Variants in CD36 observed in about 807,000 individuals in gnomAD.
CD36 encodes the protein platelet glycoprotein 4.
In CD36, 119 loss-of-function variants were observed where a neutral mutation model predicts 55.2. The observed-to-expected ratio is 2.15, with a 90% CI of 1.86 to 2.51. CD36 has a LOEUF of 2.51. Ranked by LOEUF, CD36 falls within the 30% of genes most tolerant of loss-of-function variation. The pLI is 0.00. For missense variants in CD36, 819 were observed against 555.5 expected (o/e 1.47, Z -4.77); for synonymous variants, 186 against 193.6 (o/e 0.96, Z 0.33).
Position 80,661,218 on chromosome 7 carries a change from G to GACAA in CD36, c.429+13_429+16dup. The GACAA allele has an allele frequency of 6.2e-7, 1 of 1,612,642 alleles. No individual in the cohort carries two copies. Among genetic ancestry groups the GACAA allele is most frequent in the South Asian group, 1.1e-5 (1 of 91,050 alleles). The stretch of plus-strand genomic sequence containing the variant: ...CTCAATCTGGCTGTGGCAGTGAGTA[G>GACAA]ACAAACAACAAAGTTATCTATTTTA... On this transcript the variant is annotated intron_variant, in intron 5 of 14. Transcript: ENST00000447544.
chr7:80,623,644 C>T (rs1166412217), intron 1 of CD36, among the ~76,000 whole-genome samples: 1 of 152,142 alleles, frequency 6.6e-6, no homozygotes, highest in Non-Finnish European at 1.5e-5. Context: ...GTTAGTCTTG[C>T]TGGGCCCTGC....
At chr7:80,624,000 G>A (rs1383602004) in intron 1 of CD36, 1 of 152,212 alleles carries the variant, frequency 6.6e-6, no homozygotes, top group East Asian at 1.9e-4. Context: ...TCACAGGAGT[G>A]TCAATCAAAA....
At chr7:80,633,749 A>G (rs150426525), upstream of CD36, among the ~76,000 whole-genome samples, 799 of 152,162 alleles carry the variant, frequency 5.3e-3, 7 homozygotes, top group African/African-American at 0.018. Context: ...TGTATGCCTA[A>G]ATGTATGTAT....
chr7:80,660,077 G>A (rs1233681999), intron 4 of CD36, among the ~76,000 whole-genome samples: 1 of 152,054 alleles, frequency 6.6e-6, no homozygotes, highest in East Asian at 1.9e-4. Flanking sequence ...AAAAAATTCA[G>A]TCCAATTGCT....
upstream of CD36, chr7:80,637,151 C>T (rs544265625): frequency 3.3e-5 from 5 of 151,948 alleles, no homozygotes; most frequent in South Asian, 4.2e-4. Context: ...TGAACCCTTT[C>T]GTTGGTAATC....
intron 1 of CD36, among the ~76,000 whole-genome samples, chr7:80,618,272 G>C (rs1055967866): frequency 1.3e-5 from 2 of 152,050 alleles, no homozygotes; most frequent in East Asian, 3.9e-4. Context: ...GTTGTGTATT[G>C]TTTGTGTTCT....
rs765646557 is a variant in CD36 at position 80,671,998 on chromosome 7, C to CCCAAATGAAGAAG, written c.1084_1096dup (p.Glu366AlafsTer3). ...TTTCAGAACCTATTGATGGATTAAA[C>CCCAAATGAAGAAG]CCAAATGAAGAAGAACATAGGACAT... On this transcript the variant is annotated frameshift_variant, in exon 11 of 15. Transcript: ENST00000447544. LOFTEE classifies it high-confidence loss of function. 3.7e-6 allele frequency: 6 copies of CCCAAATGAAGAAG among 1,608,272 alleles called. No homozygotes were observed. The highest frequency in any genetic ancestry group is 5.1e-6 in the Non-Finnish European group (6 of 1,175,610).
chr7:80,602,218 T>C (rs548263200), exon 1 of CD36: 1 of 152,266 alleles, frequency 6.6e-6, no homozygotes, highest in Admixed American at 6.5e-5. Context: ...GATGTCAGGA[T>C]AACCTTAAGG....
chr7:80,610,242 A>T (rs988702885), intron 1 of CD36, among the ~76,000 whole-genome samples: 5 of 152,184 alleles, frequency 3.3e-5, no homozygotes, highest in Non-Finnish European at 7.3e-5. Context: ...TGTAATTATC[A>T]TCATCATTAC....
At chr7:80,641,584 T>A (rs773161882) in intron 1 of CD36, among the ~76,000 whole-genome samples, 2 of 151,990 alleles carry the variant, frequency 1.3e-5, no homozygotes, top group Non-Finnish European at 2.9e-5. Context: ...ATTTTAGCAA[T>A]CTACTGATCA....
chr7:80,646,532 A>G (rs1795178691), intron 2 of CD36, 120 bp from the exon 3 acceptor site: 1 of 598,346 alleles, frequency 1.7e-6, no homozygotes, highest in Non-Finnish European at 2.9e-6. Context: ...AAACAAAAAG[A>G]AAAGCATTTG....
intron 4 of CD36, among the ~76,000 whole-genome samples, chr7:80,659,402 A>G (rs560461379): frequency 1.3e-5 from 2 of 152,330 alleles, no homozygotes; most frequent in Admixed American, 6.5e-5. Context: ...TACCTACACC[A>G]TCTCTATGAA....
intron 1 of CD36, among the ~76,000 whole-genome samples, chr7:80,619,854 G>A (rs1036769900): frequency 3.9e-5 from 6 of 152,034 alleles, no homozygotes; most frequent in Non-Finnish European, 5.9e-5. Context: ...GGATGACTGA[G>A]GGTTACAAGA....
At position 80,677,305 on chromosome 7, in the gene CD36, T is replaced by C. The variant is rs537967463; in HGVS notation, c.*922T>C. The C allele has an allele frequency of 1.3e-5, 2 of 152,334 alleles. No individual in the cohort carries two copies. The highest frequency in any genetic ancestry group is 3.9e-4 in the East Asian group (2 of 5,178). The allele number at this position is 152,334 out of a possible 1,614,324, so 9.4% of individuals were successfully genotyped here. A position where few individuals can be genotyped will look rare whatever the true frequency, so the allele number is the denominator to read the frequency against. On this transcript the variant is annotated 3_prime_UTR_variant, in exon 15 of 15. Coordinates refer to ENST00000447544, the MANE Select transcript of CD36 (RefSeq NM_001001548.3). ...GTTTCTTGAGCAGGGGTTCACTTAT[T>C]CTGAGAGCATTAGTTCTCCTAAAAA...
chr7:80,609,529 G>A (rs1414666564), intron 1 of CD36, among the ~76,000 whole-genome samples: 1 of 152,130 alleles, frequency 6.6e-6, no homozygotes, highest in Non-Finnish European at 1.5e-5. Context: ...CCTGCTGGGA[G>A]CTACCTAAGC....
chr7:80,677,074 TA>T lies in CD36; in HGVS notation c.*692del, dbSNP rs1412021769. ...GTTTATCCTAATTTTCTCTCTGAAG[TA>T]TATTTTATCTGAATCCACATTTCTT... On this transcript the variant is annotated 3_prime_UTR_variant, in exon 15 of 15. Coordinates refer to ENST00000447544, the MANE Select transcript of CD36 (RefSeq NM_001001548.3). 6.6e-6 allele frequency: 1 copy of T among 152,186 alleles called. No homozygotes were observed. Among genetic ancestry groups the T allele is most frequent in the Non-Finnish European group, 1.5e-5 (1 of 68,032 alleles). The allele number at this position is 152,186 out of a possible 1,614,324, so 9.4% of individuals were successfully genotyped here.
At chr7:80,667,594 A>G (rs59984852) in intron 8 of CD36, among the ~76,000 whole-genome samples, 1 of 152,026 alleles carries the variant, frequency 6.6e-6, no homozygotes, top group Non-Finnish European at 1.5e-5. Context: ...TTAAGTAAAA[A>G]TGAAGTACAG....
intron 4 of CD36, among the ~76,000 whole-genome samples, chr7:80,659,088 C>T (rs1460755333): frequency 2.0e-5 from 3 of 152,124 alleles, no homozygotes; most frequent in African/African-American, 4.8e-5. Flanking sequence ...CTTGTCTCAG[C>T]ATGTCACCAA....
At chr7:80,627,459 G>A (rs1793805323) in intron 1 of CD36, among the ~76,000 whole-genome samples, 1 of 151,682 alleles carries the variant, frequency 6.6e-6, no homozygotes. Flanking sequence ...CCTTAAAAGA[G>A]GGGCTTTTTT....
Sources: allele counts gnomAD v4.1 joint callset (sites outside exome capture counted in the v4.1 genomes callset), GRCh38; gene constraint gnomAD v4.1.1; transcripts MANE v1.5; gene names NCBI Gene and HGNC (gene_info 2026-07-23, HGNC 2026-07-21).